STXBP5L: variants seen among roughly 807,000 people sequenced by gnomAD.
The protein encoded by STXBP5L is syntaxin binding protein 5L.
Under a neutral mutation model 144.5 loss-of-function variants are expected in STXBP5L, and 65 were observed. The ratio of observed to expected loss-of-function variants is 0.45; its 90% CI spans 0.37 to 0.55. The LOEUF (loss-of-function observed/expected upper bound fraction) is 0.55. Ranked by LOEUF, STXBP5L falls within the 20% of genes least tolerant of loss-of-function variation. The pLI is 0.00. For missense variants in STXBP5L, 1,298 were observed against 1,405.5 expected (o/e 0.92, Z 1.22); for synonymous variants, 505 against 469.6 (o/e 1.08, Z -0.97).
intron 22 of STXBP5L, among the ~76,000 whole-genome samples, chr3:121,384,722 G>T (rs929402517): frequency 5.3e-5 from 8 of 151,108 alleles, no homozygotes; most frequent in Non-Finnish European, 4.4e-5. Flanking sequence ...AAAACATTGG[G>T]TTTTTTTTCA....
intron 12 of STXBP5L, among the ~76,000 whole-genome samples, chr3:121,237,918 A>C (rs1209551295): frequency 6.6e-6 from 1 of 152,058 alleles, no homozygotes; most frequent in Admixed American, 6.6e-5. Flanking sequence ...TCTGTCTGAG[A>C]CCTCATTAGC....
chr3:121,034,962 T>A (rs74873059), intron 3 of STXBP5L, among the ~76,000 whole-genome samples: 1 of 152,152 alleles, frequency 6.6e-6, no homozygotes, highest in African/African-American at 2.4e-5. Flanking sequence ...ATTTCTCTAA[T>A]GAATAGTGTT....
At chr3:121,035,128 A>G (rs1946665239) in intron 3 of STXBP5L, among the ~76,000 whole-genome samples, 2 of 151,682 alleles carry the variant, frequency 1.3e-5, no homozygotes, top group Non-Finnish European at 3.0e-5. Flanking sequence ...AGTCCCCAGA[A>G]TAGTTTGCAC....
At chr3:121,076,180 C>T (rs2042010692) in intron 5 of STXBP5L, among the ~76,000 whole-genome samples, 1 of 152,100 alleles carries the variant, frequency 6.6e-6, no homozygotes, top group African/African-American at 2.4e-5. Context: ...TTGGGCATGG[C>T]CCGACCTAAG....
chr3:121,054,274 A>G (rs1330242732), intron 5 of STXBP5L, among the ~76,000 whole-genome samples: 5 of 152,174 alleles, frequency 3.3e-5, no homozygotes, highest in East Asian at 3.9e-4. Flanking sequence ...TCATGCTGCT[A>G]TAAAGACACA....
intron 3 of STXBP5L, among the ~76,000 whole-genome samples, chr3:121,006,193 C>G (rs975012706): frequency 2.0e-5 from 3 of 152,116 alleles, no homozygotes; most frequent in Non-Finnish European, 2.9e-5. Flanking sequence ...GTCTAAGTCT[C>G]TTTGTGGGTC....
At chr3:120,984,160 T>G (rs1477053600) in intron 3 of STXBP5L, among the ~76,000 whole-genome samples, 1 of 152,194 alleles carries the variant, frequency 6.6e-6, no homozygotes, top group African/African-American at 2.4e-5. Flanking sequence ...AGGTTAAAGA[T>G]TCACCTCCAG....
chr3:121,318,867 T>G (rs2043874777), intron 20 of STXBP5L, among the ~76,000 whole-genome samples: 1 of 152,180 alleles, frequency 6.6e-6, no homozygotes, highest in African/African-American at 2.4e-5. Flanking sequence ...ACTTGTCATC[T>G]TCAGGCTAGA....
At chr3:121,089,285 C>A (rs909177057) in intron 5 of STXBP5L, among the ~76,000 whole-genome samples, 45 of 151,244 alleles carry the variant, frequency 3.0e-4, no homozygotes, top group Admixed American at 1.4e-3. Flanking sequence ...TTTTATTGGT[C>A]TTTTAAAGAA....
At chr3:121,341,394 A>T (rs1179345272) in intron 20 of STXBP5L, among the ~76,000 whole-genome samples, 12 of 152,140 alleles carry the variant, frequency 7.9e-5, no homozygotes, top group Non-Finnish European at 4.4e-5. Context: ...GCTGACAAGG[A>T]TGTGTAGAAA....
chr3:121,395,809 G>C (rs2046714839), intron 22 of STXBP5L, among the ~76,000 whole-genome samples: 1 of 152,196 alleles, frequency 6.6e-6, no homozygotes, highest in East Asian at 1.9e-4. Flanking sequence ...AGCTGTGACA[G>C]CTTCTTGATC....
intron 3 of STXBP5L, among the ~76,000 whole-genome samples, chr3:121,039,553 T>A (rs1255806750): frequency 6.6e-6 from 1 of 151,988 alleles, no homozygotes; most frequent in Non-Finnish European, 1.5e-5. Context: ...CCTTTTTGTA[T>A]ATCCAGATAC....
At chr3:121,261,537 A>T (rs1415565281) in intron 18 of STXBP5L, among the ~76,000 whole-genome samples, 4 of 152,294 alleles carry the variant, frequency 2.6e-5, no homozygotes, top group East Asian at 1.9e-4. Flanking sequence ...ATATAGATAA[A>T]TCTAGCAATT....
At position 121,211,638 on chromosome 3, in the gene STXBP5L, G is replaced by A. The variant is rs546888855; in HGVS notation, c.956+5637G>A. Reference sequence around the variant, plus strand: ...TCTGTCACCAGGCTGGAGTGCAGTGGCGTGATCTCAGCACACTGCAACCTC... The same window carrying A: ...TCTGTCACCAGGCTGGAGTGCAGTGACGTGATCTCAGCACACTGCAACCTC... On this transcript the variant is annotated intron_variant, in intron 10 of 26. Coordinates refer to ENST00000471454, the MANE Select transcript of STXBP5L (RefSeq NM_001308330.2). 4.5e-4 allele frequency among the ~76,000 whole-genome samples: 66 copies of A among 145,376 alleles called. 1 individual carries two copies. The highest frequency in any genetic ancestry group is 1.7e-3 in the African/African-American group (65 of 38,610).
chr3:121,255,194 G>GT, intron 16 of STXBP5L, 82 bp downstream of exon 16: 1 of 1,086,688 alleles, frequency 9.2e-7, no homozygotes, highest in Non-Finnish European at 1.3e-6. Context: ...TACTTGGTAT[G>GT]GTTTCCATGA....
intron 22 of STXBP5L, among the ~76,000 whole-genome samples, chr3:121,398,917 A>T (rs2046801725): frequency 6.6e-6 from 1 of 152,086 alleles, no homozygotes; most frequent in East Asian, 1.9e-4. Flanking sequence ...TCCTACCTGA[A>T]TAGAACTAAG....
At chr3:121,033,494 T>C (rs1378797022) in intron 3 of STXBP5L, among the ~76,000 whole-genome samples, 26 of 140,128 alleles carry the variant, frequency 1.9e-4, no homozygotes, top group Admixed American at 6.5e-4. Context: ...GTGGGTGCAG[T>C]GCACCAGCAT....
rs1468701776 is a variant in STXBP5L, at chr3:121,420,430, TATGTCAATAG to T, written c.*1337_*1346del. 1 of 152,106 alleles carries T rather than the reference TATGTCAATAG, an allele frequency of 6.6e-6. No individual in the cohort carries two copies. Among genetic ancestry groups the T allele is most frequent in the African/African-American group, 2.4e-5 (1 of 41,442 alleles). The allele number at this position is 152,106 out of a possible 1,614,324, so 9.4% of individuals were successfully genotyped here. A position where few individuals can be genotyped will look rare whatever the true frequency, so the allele number is the denominator to read the frequency against. On this transcript the variant is annotated 3_prime_UTR_variant, in exon 27 of 27. Transcript: ENST00000471454. ...GGTCAAATAATATAAGCCACTAGAT[TATGTCAATAG>T]ATGCCAAACACTTGTCCCTTATTAA...
intron 7 of STXBP5L, among the ~76,000 whole-genome samples, chr3:121,151,201 T>G (rs548787371): frequency 5.4e-4 from 83 of 152,302 alleles, no homozygotes; most frequent in Admixed American, 2.6e-3. Context: ...CTTAGTACAG[T>G]CATATCAATT....
Sources: allele counts gnomAD v4.1 joint callset (sites outside exome capture counted in the v4.1 genomes callset), GRCh38; gene constraint gnomAD v4.1.1; transcripts MANE v1.5; gene names NCBI Gene and HGNC (gene_info 2026-07-23, HGNC 2026-07-21).